FHDC1: variants seen among roughly 807,000 people sequenced by gnomAD.
FHDC1 encodes the protein FH2 domain containing 1, also known as FH2 domain-containing protein 1.
In FHDC1, 25 loss-of-function variants were observed where a neutral mutation model predicts 52.6. The ratio of observed to expected loss-of-function variants is 0.48; its 90% CI spans 0.35 to 0.66. The LOEUF is 0.66. Among genes scored for constraint, FHDC1 ranks in the 30% least tolerant of loss-of-function variants. FHDC1 has a pLI of 0.01. For synonymous variants in FHDC1, 616 were observed against 581.5 expected (o/e 1.06, Z -0.85); for missense variants, 1,459 against 1,452.8 (o/e 1.00, Z -0.07).
At chr4:152,931,969 A>C (rs1032817659), upstream of FHDC1, among the ~76,000 whole-genome samples, 1 of 150,022 alleles carries the variant, frequency 6.7e-6, no homozygotes, top group East Asian at 2.0e-4. Flanking sequence ...AAAAAACTTC[A>C]AAAATCACTA....
chr4:152,917,935 C>T, the FHDC1 span, among the ~76,000 whole-genome samples: 11 of 152,252 alleles, frequency 7.2e-5, no homozygotes, highest in East Asian at 5.8e-4. Flanking sequence ...GAAAAAAATT[C>T]GTTAGAAATA....
At chr4:152,937,791 C>T (rs1739439995) in intron 1 of FHDC1, among the ~76,000 whole-genome samples, 1 of 152,136 alleles carries the variant, frequency 6.6e-6, no homozygotes, top group African/African-American at 2.4e-5. Context: ...CCGCGCGGCC[C>T]GTGGGCCGCC....
At chr4:152,926,173 C>T in the FHDC1 span, among the ~76,000 whole-genome samples, 1 of 149,914 alleles carries the variant, frequency 6.7e-6, no homozygotes, top group Non-Finnish European at 1.5e-5. Context: ...AGATTCAGTC[C>T]ACTGAGAAGA....
Position 152,979,187 on chromosome 4 carries a change from C to T in FHDC1, c.*2464C>T, listed in dbSNP as rs1344882629. The T allele has an allele frequency of 2.0e-5, 3 of 152,136 alleles. No individual in the cohort carries two copies. The highest frequency in any genetic ancestry group is 2.0e-4 in the Admixed American group (3 of 15,276). 9.4% of individuals were successfully genotyped at this position (152,136 alleles called of 1,614,324 possible). A position where few individuals can be genotyped will look rare whatever the true frequency, so the allele number is the denominator to read the frequency against. ...ATGCTGGGTGACTTTGGGAAGTCAC[C>T]ACCTCTTCCCAAGCCTGTTTCCCAT... On this transcript the variant is annotated 3_prime_UTR_variant, in exon 12 of 12. Transcript: ENST00000511601.
rs754344974 is a variant in FHDC1, at chr4:152,954,199, A to T, written c.561-18A>T. On this transcript the variant is annotated intron_variant, in intron 3 of 11. Transcript: ENST00000511601. ...TCCAGCAAACGTGAAATGGAATGTG[A>T]TTCATTGTCTTTTCAAGGTCTCCTC... The T allele has an allele frequency of 6.2e-7, 1 of 1,602,714 alleles. No homozygotes were observed. Among genetic ancestry groups the T allele is most frequent in the Admixed American group, 1.7e-5 (1 of 59,924 alleles).
At chr4:152,937,821 G>C (rs1363645651) in intron 1 of FHDC1, among the ~76,000 whole-genome samples, 2 of 152,170 alleles carry the variant, frequency 1.3e-5, no homozygotes, top group African/African-American at 2.4e-5. Context: ...TCAGTTTGCT[G>C]ACCCCAGCGC....
upstream of FHDC1, among the ~76,000 whole-genome samples, chr4:152,935,734 G>C (rs1407420631): frequency 1.3e-5 from 2 of 152,166 alleles, no homozygotes; most frequent in African/African-American, 4.8e-5. Context: ...GTAGGGGTTG[G>C]GACAGGTCAG....
In FHDC1 at chr4:152,971,912, A is replaced by AC. The variant is rs140788987; in HGVS notation, c.1219-462dup. Among the ~76,000 whole-genome samples, 47 of 151,328 alleles carry AC rather than the reference A, an allele frequency of 3.1e-4. No homozygotes were observed. The East Asian group carries it at 8.6e-3, about 28-fold the overall frequency. ...AGCTCATTTGGGATTAAGCTTAGAC[A>AC]CCCTCTCAGTGGGGCAAAATTGATA... On this transcript the variant is annotated intron_variant, in intron 10 of 11. Coordinates refer to ENST00000511601, the MANE Select transcript of FHDC1 (RefSeq NM_001371116.1).
chr4:152,956,556 T>C (rs1740090573), intron 4 of FHDC1, among the ~76,000 whole-genome samples: 1 of 152,156 alleles, frequency 6.6e-6, no homozygotes, highest in Non-Finnish European at 1.5e-5. Flanking sequence ...GGGGGTATAA[T>C]TCAAAAGGAA....
In FHDC1 at chr4:152,975,489, G is replaced by T. The variant is rs549282749; in HGVS notation, c.2198G>T (p.Gly733Val). ...SLTPMGRDAL[G>V]SLSPALEDGK... is the part of the protein sequence containing the mutation. ...ACACCCATGGGCAGAGATGCCCTGGGGAGTCTCAGCCCAGCGCTGGAGGAT... is the reference window on the plus strand; with the variant it reads ...ACACCCATGGGCAGAGATGCCCTGGTGAGTCTCAGCCCAGCGCTGGAGGAT... The change falls in exon 12 of 12, where the codon GGG (glycine) becomes GTG (valine). Residue 733 changes from glycine (G) to valine (V), a missense_variant. Gly to Val is a moderately radical substitution (Grantham distance 109). Transcript: ENST00000511601. 3.7e-6 allele frequency: 6 copies of T among 1,613,386 alleles called. No homozygotes were observed. The South Asian group carries it at 6.6e-5, about 18-fold the overall frequency.
At chr4:152,923,305 C>T in the FHDC1 span, among the ~76,000 whole-genome samples, 11 of 152,110 alleles carry the variant, frequency 7.2e-5, no homozygotes, top group African/African-American at 2.2e-4. Flanking sequence ...TTACAAGGGA[C>T]GTGAAGGACC....
At chr4:152,934,440 C>T (rs1243135865), upstream of FHDC1, among the ~76,000 whole-genome samples, 1 of 152,002 alleles carries the variant, frequency 6.6e-6, no homozygotes, top group African/African-American at 2.4e-5. Context: ...GAAGAGAAAC[C>T]CGGAGATATA....
chr4:152,947,502 A>C (rs747403624), intron 2 of FHDC1, among the ~76,000 whole-genome samples: 1 of 152,140 alleles, frequency 6.6e-6, no homozygotes, highest in African/African-American at 2.4e-5. Context: ...GCCCCCTGGG[A>C]GCCTTCCACC....
intron 9 of FHDC1, among the ~76,000 whole-genome samples, chr4:152,966,939 G>C (rs1275305385): frequency 1.3e-5 from 2 of 152,126 alleles, no homozygotes; most frequent in Non-Finnish European, 2.9e-5. Context: ...GGGCAACATA[G>C]TAAGACCCTG....
intron 2 of FHDC1, 24 bp downstream of exon 2, chr4:152,943,579 A>T: frequency 6.3e-7 from 1 of 1,594,734 alleles, no homozygotes; most frequent in Non-Finnish European, 8.5e-7. Flanking sequence ...GTGGAGGGCT[A>T]ATCCTCCACA....
chr4:152,937,214 T>C (rs1452032475), intron 1 of FHDC1, among the ~76,000 whole-genome samples: 5 of 151,866 alleles, frequency 3.3e-5, no homozygotes, highest in Middle Eastern at 3.2e-3. Flanking sequence ...GTGAGGCTTT[T>C]CCCCCGCGCC....
intron 1 of FHDC1, among the ~76,000 whole-genome samples, chr4:152,939,609 T>C (rs528820459): frequency 2.0e-5 from 3 of 152,180 alleles, no homozygotes; most frequent in Middle Eastern, 3.2e-3. Flanking sequence ...CATCGCCTTA[T>C]TGAAATTTCA....
At chr4:152,937,544 C>T (rs986847999) in intron 1 of FHDC1, among the ~76,000 whole-genome samples, 15 of 151,852 alleles carry the variant, frequency 9.9e-5, no homozygotes, top group Non-Finnish European at 2.1e-4. Context: ...GTGCGGCGGC[C>T]GACCCAGCAG....
In FHDC1 at chr4:152,977,408, C is replaced by A. The variant is rs1341879735; in HGVS notation, c.*685C>A. 1 of 152,106 alleles carries A rather than the reference C, an allele frequency of 6.6e-6. No individual in the cohort carries two copies. The highest frequency in any genetic ancestry group is 6.5e-5 in the Admixed American group (1 of 15,272). 9.4% of individuals were successfully genotyped at this position (152,106 alleles called of 1,614,324 possible). On this transcript the variant is annotated 3_prime_UTR_variant, in exon 12 of 12. Transcript: ENST00000511601. Reference sequence around the variant, plus strand: ...AAAATGAAATGTTCTAGTTTTGGTTCCTTTTGCAGAGTGAAATGCCTCCCA... The same window carrying A: ...AAAATGAAATGTTCTAGTTTTGGTTACTTTTGCAGAGTGAAATGCCTCCCA...
Sources: gnomAD v4.1 joint callset for allele counts (sites outside exome capture counted in the v4.1 genomes callset) on GRCh38, gnomAD v4.1.1 for gene constraint, MANE v1.5 for transcripts, NCBI Gene and HGNC (gene_info 2026-07-23, HGNC 2026-07-21) for gene names.